Variants in STAM2 observed in about 807,000 individuals in gnomAD.
STAM2 encodes the protein signal transducing adapter molecule 2.
Under a neutral mutation model 65.6 loss-of-function variants are expected in STAM2, and 51 were observed. The ratio of observed to expected loss-of-function variants is 0.78; its 90% CI spans 0.62 to 0.98. The LOEUF (loss-of-function observed/expected upper bound fraction) is 0.98. Ranked by LOEUF, STAM2 falls within the 50% of genes least tolerant of loss-of-function variation. The pLI is 0.00. For synonymous variants in STAM2, 198 were observed against 208.4 expected, an observed-to-expected ratio of 0.95 and a Z score of 0.43; for missense variants, 584 against 617.8, an observed-to-expected ratio of 0.95 and a Z score of 0.58.
At chr2:152,145,848 G>A (rs1180938516) in intron 5 of STAM2, among the ~76,000 whole-genome samples, 3 of 152,176 alleles carry the variant, frequency 2.0e-5, no homozygotes, top group Non-Finnish European at 1.5e-5. Context: ...TCCATCAACC[G>A]GTTCTTTACA....
chr2:152,150,104 C>T, intron 2 of STAM2, 41 bp downstream of exon 2: 1 of 1,350,792 alleles, frequency 7.4e-7, no homozygotes, highest in Non-Finnish European at 1.1e-6. Context: ...CACTGGTTAT[C>T]AAGTTCCTAG....
chr2:152,135,631 T>G, intron 7 of STAM2, 28 bp from the exon 8 acceptor site: 1 of 1,427,302 alleles, frequency 7.0e-7, no homozygotes, highest in Non-Finnish European at 9.8e-7. Context: ...AAAATATCAT[T>G]TGTTCCCCAC....
chr2:152,162,769 G>A (rs1237410061), intron 1 of STAM2, among the ~76,000 whole-genome samples: 1 of 151,224 alleles, frequency 6.6e-6, no homozygotes, highest in Non-Finnish European at 1.5e-5. Flanking sequence ...AGCATCCCAA[G>A]TAGCTGGGAT....
At chr2:152,154,700 G>T (rs143673873) in intron 1 of STAM2, among the ~76,000 whole-genome samples, 1 of 152,262 alleles carries the variant, frequency 6.6e-6, no homozygotes, top group East Asian at 1.9e-4. Context: ...CAGGGGTAGA[G>T]AAAAAATATT....
intron 1 of STAM2, among the ~76,000 whole-genome samples, chr2:152,159,392 C>G (rs1689617310): frequency 6.6e-6 from 1 of 151,944 alleles, no homozygotes; most frequent in Non-Finnish European, 1.5e-5. Context: ...AATTAATTTG[C>G]ATACATTGCA....
At chr2:152,160,144 C>A (rs1482665854) in intron 1 of STAM2, among the ~76,000 whole-genome samples, 1 of 152,192 alleles carries the variant, frequency 6.6e-6, no homozygotes, top group Non-Finnish European at 1.5e-5. Context: ...CTCTGCCCGG[C>A]CGCCACCCCG....
intron 1 of STAM2, among the ~76,000 whole-genome samples, chr2:152,150,520 A>G (rs6650779): frequency 0.23 from 35,536 of 152,260 alleles, 4,236 homozygotes; most frequent in Admixed American, 0.31. Context: ...TGTATAATCC[A>G]GGCCGGGCAT....
chr2:152,142,579 T>C (rs1337662764), intron 7 of STAM2, among the ~76,000 whole-genome samples: 1 of 152,180 alleles, frequency 6.6e-6, no homozygotes, highest in African/African-American at 2.4e-5. Context: ...CACACTCAGA[T>C]ACCCATAAAC....
rs887959813 is a variant in STAM2 at position 152,137,962 on chromosome 2, C to T, written c.705-2359G>A. 3.3e-5 allele frequency among the ~76,000 whole-genome samples: 5 copies of T among 152,018 alleles called. No individual in the cohort carries two copies. In the East Asian group the frequency reaches 7.7e-4, roughly 23 times the overall value. On this transcript the variant is annotated intron_variant, in intron 7 of 13. Transcript: ENST00000263904. ...TAGACTCCATTCTGTTGCAATAGTC[C>T]ATGTATCTGTTCACACATCTTGTTA...
chr2:152,119,480 C>G lies in STAM2; in HGVS notation c.*1094G>C, dbSNP rs1264155145. On this transcript the variant is annotated 3_prime_UTR_variant, in exon 14 of 14. Coordinates refer to ENST00000263904, the MANE Select transcript of STAM2 (RefSeq NM_005843.6). Reference sequence around the variant, plus strand: ...GCTTGGTATGTTGACAGCTTAGCAACGGTACTTGAATCACCTCTTTAAAAA... The same window carrying G: ...GCTTGGTATGTTGACAGCTTAGCAAGGGTACTTGAATCACCTCTTTAAAAA... 2 of 152,094 alleles carry G rather than the reference C, an allele frequency of 1.3e-5. No homozygotes were observed. The highest frequency in any genetic ancestry group is 3.9e-4 in the East Asian group (2 of 5,192). 9.4% of individuals were successfully genotyped at this position (152,094 alleles called of 1,614,324 possible).
chr2:152,123,738 T>C (rs760746342), intron 13 of STAM2, 28 bp downstream of exon 13: 9 of 1,609,050 alleles, frequency 5.6e-6, no homozygotes, highest in Non-Finnish European at 7.6e-6. Context: ...TTAACACATA[T>C]AAAATTAACA....
chr2:152,146,370 T>C (rs984906591), intron 5 of STAM2, among the ~76,000 whole-genome samples: 6 of 152,016 alleles, frequency 3.9e-5, no homozygotes, highest in African/African-American at 1.4e-4. Flanking sequence ...AGCCCATATC[T>C]TAATATTAAT....
In STAM2 at chr2:152,135,506, T is replaced by G. The variant is rs1689137415; in HGVS notation, c.799+3A>C. 1.3e-6 allele frequency: 2 copies of G among 1,596,096 alleles called. No individual in the cohort carries two copies. Among genetic ancestry groups the G allele is most frequent in the Non-Finnish European group, 1.7e-6 (2 of 1,167,748 alleles). On this transcript the variant is annotated splice_donor_region_variant and intron_variant, in intron 8 of 13. Coordinates refer to ENST00000263904, the MANE Select transcript of STAM2 (RefSeq NM_005843.6). ...ATCTAATGTCGTCTAAGATTTAACT[T>G]ACCTGCCTCAGTCTCTATGTTTAAA... is the stretch of plus-strand genomic sequence containing the variant.
chr2:152,161,265 A>G (rs930228299), intron 1 of STAM2, among the ~76,000 whole-genome samples: 3 of 151,250 alleles, frequency 2.0e-5, no homozygotes, highest in East Asian at 1.9e-4. Flanking sequence ...AGGGCGGTGC[A>G]AGATGTGCTT....
chr2:152,159,130 AT>A (rs974745939), intron 1 of STAM2, among the ~76,000 whole-genome samples: 1 of 86,860 alleles, frequency 1.2e-5, no homozygotes, highest in African/African-American at 5.7e-5. Context: ...GATATATATA[AT>A]TTTTTTTCTA....
At chr2:152,136,554 T>C (rs1369170054) in intron 7 of STAM2, among the ~76,000 whole-genome samples, 2 of 152,212 alleles carry the variant, frequency 1.3e-5, no homozygotes, top group Non-Finnish European at 2.9e-5. Context: ...CACAATAAAG[T>C]TGGTAGCCTT....
chr2:152,173,724 A>C (rs1363228505), intron 1 of STAM2, among the ~76,000 whole-genome samples: 1 of 152,194 alleles, frequency 6.6e-6, no homozygotes, highest in African/African-American at 2.4e-5. Flanking sequence ...ATTTGAAATG[A>C]AAAGTTTTAA....
intron 5 of STAM2, among the ~76,000 whole-genome samples, chr2:152,146,824 T>C (rs1168222499): frequency 1.3e-5 from 2 of 152,194 alleles, no homozygotes; most frequent in Non-Finnish European, 2.9e-5. Context: ...CAATCTAAAT[T>C]AGTTATTTTT....
At chr2:152,147,099 TACATA>T in intron 5 of STAM2, 58 bp downstream of exon 5, 2 of 1,447,760 alleles carry the variant, frequency 1.4e-6, no homozygotes, top group Non-Finnish European at 1.8e-6. Flanking sequence ...GCCTAGTCTT[TACATA>T]ACATACATAC....
Sources: gnomAD v4.1 joint callset for allele counts (sites outside exome capture counted in the v4.1 genomes callset) on GRCh38, gnomAD v4.1.1 for gene constraint, MANE v1.5 for transcripts, NCBI Gene and HGNC (gene_info 2026-07-23, HGNC 2026-07-21) for gene names.